Variants in AKAP13 observed in about 807,000 individuals in gnomAD.
The protein encoded by AKAP13 is A-kinase anchor protein 13.
A neutral mutation model predicts 264.5 loss-of-function variants in AKAP13; 80 were observed. The observed-to-expected ratio is 0.30, with a 90% CI of 0.25 to 0.36. The LOEUF (loss-of-function observed/expected upper bound fraction) is 0.36. Ranked by LOEUF, AKAP13 falls within the 10% of genes least tolerant of loss-of-function variation. The probability of loss-of-function intolerance (pLI) is 1.00; values close to 1 mark genes in which losing one functional copy is unlikely to be tolerated. For missense variants in AKAP13, 3,712 were observed against 3,435.2 expected (o/e 1.08, Z -2.01); for synonymous variants, 1,380 against 1,250.2 (o/e 1.10, Z -2.19).
At chr15:85,740,299 C>G in intron 34 of AKAP13, 27 bp downstream of exon 34, 4 of 1,613,028 alleles carry the variant, frequency 2.5e-6, no homozygotes, top group Non-Finnish European at 3.4e-6. Flanking sequence ...TCCATCCCTG[C>G]GTTTATTTGT....
At chr15:85,609,825 C>G (rs1035511820) in intron 8 of AKAP13, among the ~76,000 whole-genome samples, 1 of 152,160 alleles carries the variant, frequency 6.6e-6, no homozygotes, top group African/African-American at 2.4e-5. Context: ...CAACACCCAC[C>G]TCCTCTCTTC....
chr15:85,407,013 A>G (rs2071698661), intron 1 of AKAP13, among the ~76,000 whole-genome samples: 1 of 151,736 alleles, frequency 6.6e-6, no homozygotes, highest in Admixed American at 6.6e-5. Context: ...CAAAACAGAA[A>G]TAATATATTT....
chr15:85,454,832 GT>G (rs1310679985), intron 1 of AKAP13, among the ~76,000 whole-genome samples: 1 of 152,182 alleles, frequency 6.6e-6, no homozygotes, highest in Non-Finnish European at 1.5e-5. Flanking sequence ...TTTCGTAACT[GT>G]TTTGAGTTAC....
At chr15:85,633,358 A>G (rs1443794071) in intron 8 of AKAP13, among the ~76,000 whole-genome samples, 1 of 123,998 alleles carries the variant, frequency 8.1e-6, no homozygotes, top group Non-Finnish European at 1.7e-5. Flanking sequence ...TATTACAGGA[A>G]TAATAGGGGC....
At chr15:85,401,475 TTC>T (rs1442988698) in intron 1 of AKAP13, among the ~76,000 whole-genome samples, 1 of 152,206 alleles carries the variant, frequency 6.6e-6, no homozygotes, top group Non-Finnish European at 1.5e-5. Context: ...TTGATTTGTT[TTC>T]TCTGTTACAA....
chr15:85,512,813 TTATGTATGTATG>T (rs146236698), intron 2 of AKAP13, among the ~76,000 whole-genome samples: 23,526 of 145,714 alleles, frequency 0.16, 2,366 homozygotes, highest in Middle Eastern at 0.28. Flanking sequence ...TTGACTATTT[TTATGTATGTATG>T]TATGTATGTA....
rs771521979 is a variant in AKAP13, at chr15:85,655,805, T to C, written c.4745+18T>C. On this transcript the variant is annotated intron_variant, in intron 11 of 36. Transcript: ENST00000394518. ...CACCGGAGGTGAGATGGGAGGCGGT[T>C]TGTTTAGTGTCTCAGTGTCTGCTTG... The C allele has an allele frequency of 1.0e-5, 16 of 1,594,488 alleles. No individual in the cohort carries two copies. Among genetic ancestry groups the C allele is most frequent in the Non-Finnish European group, 1.4e-5 (16 of 1,167,788 alleles).
At chr15:85,577,582 G>A (rs2151302774) in intron 6 of AKAP13, among the ~76,000 whole-genome samples, 1 of 152,072 alleles carries the variant, frequency 6.6e-6, no homozygotes, top group South Asian at 2.1e-4. Context: ...TCAGTTTTAT[G>A]AACCTTGATT....
At chr15:85,722,461 A>T in intron 25 of AKAP13, 114 bp downstream of exon 25, 3 of 863,492 alleles carry the variant, frequency 3.5e-6, no homozygotes, top group Non-Finnish European at 5.3e-6. Context: ...TCTAAAAGAG[A>T]CCTTGTGTTT....
intron 8 of AKAP13, among the ~76,000 whole-genome samples, chr15:85,592,610 G>A (rs914228493): frequency 7.2e-5 from 11 of 152,140 alleles, no homozygotes; most frequent in African/African-American, 2.7e-4. Flanking sequence ...AAGAGAGGCA[G>A]GCTCTCCTTA....
At chr15:85,485,616 C>T (rs774203709) in intron 1 of AKAP13, 94 bp from the exon 2 acceptor site, 45 of 1,051,466 alleles carry the variant, frequency 4.3e-5, no homozygotes, top group Middle Eastern at 2.0e-4. Context: ...ATTGTACTCA[C>T]AGAGCTATGC....
At chr15:85,385,476 G>A (rs564104246) in intron 1 of AKAP13, among the ~76,000 whole-genome samples, 4 of 152,070 alleles carry the variant, frequency 2.6e-5, no homozygotes, top group Non-Finnish European at 5.9e-5. Context: ...TATATCCACT[G>A]CTGCAAACAG....
Position 85,655,564 on chromosome 15 carries a change from C to G in AKAP13, c.4522C>G (p.Leu1508Val). The change falls in exon 11 of 37, where the codon CTT becomes GTT. Residue 1508 changes from leucine (L) to valine (V), a missense_variant. Around this residue, in one of 3 missense-constraint regions of AKAP13, gnomAD observed 2,759 missense variants for 2,411.7 expected, o/e 1.14. Transcript: ENST00000394518. ...AAACAGGTCAAGAGATCGGCAAAGC[C>G]TTGATGGATTCTACAGCCATGGGAT... ...KPNRSRDRQS[L>V]DGFYSHGMGA... The G allele has an allele frequency of 6.2e-7, 1 of 1,614,168 alleles. No homozygotes were observed. Among genetic ancestry groups the G allele is most frequent in the South Asian group, 1.1e-5 (1 of 91,084 alleles).
At chr15:85,565,592 T>A (rs1003868508) in intron 5 of AKAP13, among the ~76,000 whole-genome samples, 2 of 152,168 alleles carry the variant, frequency 1.3e-5, no homozygotes, top group Admixed American at 6.5e-5. Context: ...GTCAAGAGAA[T>A]GCTGAGTAGT....
In AKAP13 at chr15:85,485,758, G is replaced by C; in HGVS notation, c.33+5G>C. On this transcript the variant is annotated splice_donor_5th_base_variant and intron_variant, in intron 2 of 36. Transcript: ENST00000394518. Reference sequence around the variant, plus strand: ...CCACAGCAAGCTCCCTTATATGTGAGTAAATCATGAGATTTCTTATTATTT... The same window carrying C: ...CCACAGCAAGCTCCCTTATATGTGACTAAATCATGAGATTTCTTATTATTT... 6.2e-7 allele frequency: 1 copy of C among 1,612,178 alleles called. No individual in the cohort carries two copies. The highest frequency in any genetic ancestry group is 8.5e-7 in the Non-Finnish European group (1 of 1,178,486).
chr15:85,703,870 A>G (rs1373443958), intron 17 of AKAP13, among the ~76,000 whole-genome samples: 1 of 150,574 alleles, frequency 6.6e-6, no homozygotes, highest in Non-Finnish European at 1.5e-5. Flanking sequence ...ATATATATAT[A>G]TACACACACA....
Position 85,543,839 on chromosome 15 carries a change from C to T in AKAP13, c.546C>T (p.Phe182=), listed in dbSNP as rs1228308869. 5 of 1,614,044 alleles carry T rather than the reference C, an allele frequency of 3.1e-6. No individual in the cohort carries two copies. The highest frequency in any genetic ancestry group is 2.2e-5 in the East Asian group (1 of 44,876). The change falls in exon 5 of 37, where the codon TTC becomes TTT. Residue 182 remains phenylalanine (F), a synonymous_variant. Coordinates refer to ENST00000394518, the MANE Select transcript of AKAP13 (RefSeq NM_007200.5). ...VRLGLLRLTW[F]LLQKPGGRGA... ...TGGGACTGCTGAGGTTGACGTGGTT[C>T]CTGTTGCAGAAGCCAGGTGGCCGCG...
chr15:85,452,125 C>T (rs1415919930), intron 1 of AKAP13, among the ~76,000 whole-genome samples: 1 of 150,718 alleles, frequency 6.6e-6, no homozygotes, highest in South Asian at 2.1e-4. Context: ...TTCTGAAATT[C>T]TTTCCTTAGC....
At chr15:85,694,158 T>C (rs2085443046) in intron 17 of AKAP13, among the ~76,000 whole-genome samples, 1 of 152,246 alleles carries the variant, frequency 6.6e-6, no homozygotes, top group East Asian at 1.9e-4. Context: ...ATTCTATTAC[T>C]TTGGTATATG....
Sources: gnomAD v4.1 joint callset for allele counts (sites outside exome capture counted in the v4.1 genomes callset) on GRCh38, gnomAD v4.1.1 for gene constraint, gnomAD v4.1.1 regional missense constraint, MANE v1.5 for transcripts, NCBI Gene and HGNC (gene_info 2026-07-23, HGNC 2026-07-21) for gene names.